Variants in SCFD2 observed in about 807,000 individuals in gnomAD.
The protein encoded by SCFD2 is sec1 family domain-containing protein 2.
A neutral mutation model predicts 58.9 loss-of-function variants in SCFD2; 54 were observed. The ratio of observed to expected loss-of-function variants is 0.92; its 90% CI spans 0.74 to 1.15. SCFD2 has a LOEUF of 1.15. Among genes scored for constraint, SCFD2 ranks in the 50% most tolerant of loss-of-function variants. The pLI, the probability that SCFD2 is intolerant of heterozygous loss-of-function variation, is 0.00. For missense variants in SCFD2, 805 were observed against 836.6 expected (o/e 0.96, Z 0.47); for synonymous variants, 321 against 335.9 (o/e 0.96, Z 0.49).
chr4:53,101,055 A>G (rs1193950469), intron 5 of SCFD2, among the ~76,000 whole-genome samples: 1 of 152,180 alleles, frequency 6.6e-6, no homozygotes, highest in Middle Eastern at 3.2e-3. Flanking sequence ...AAACACAAAG[A>G]TTACATGAAG....
intron 3 of SCFD2, among the ~76,000 whole-genome samples, chr4:53,305,828 C>A (rs1306742390): frequency 6.6e-6 from 1 of 152,054 alleles, no homozygotes; most frequent in Non-Finnish European, 1.5e-5. Context: ...GTTCTAAGAC[C>A]AAGAAGTTTG....
intron 5 of SCFD2, among the ~76,000 whole-genome samples, chr4:53,046,779 T>C (rs1723051889): frequency 6.6e-6 from 1 of 152,086 alleles, no homozygotes; most frequent in Non-Finnish European, 1.5e-5. Context: ...GCAATTCTCC[T>C]GCCTCAGCCT....
chr4:53,054,646 T>C lies in SCFD2; in HGVS notation c.1561+90687A>G, dbSNP rs1466495236. Among the ~76,000 whole-genome samples, 6 of 146,176 alleles carry C rather than the reference T, an allele frequency of 4.1e-5. No homozygotes were observed. The East Asian group carries it at 7.8e-4, about 19-fold the overall frequency. ...TTAGCTTAGAAAAAAAAAAAAGAGT[T>C]TTTTTTTTGTTTGTTTTTGTTTTTG... On this transcript the variant is annotated intron_variant, in intron 5 of 8. Transcript: ENST00000401642.
At chr4:53,219,714 T>C (rs1275936861) in intron 4 of SCFD2, among the ~76,000 whole-genome samples, 6 of 152,174 alleles carry the variant, frequency 3.9e-5, no homozygotes, top group Admixed American at 3.9e-4. Flanking sequence ...AAATCACCTG[T>C]CTTCTGTGTC....
At chr4:53,182,825 A>G (rs1727617586) in intron 4 of SCFD2, among the ~76,000 whole-genome samples, 1 of 152,116 alleles carries the variant, frequency 6.6e-6, no homozygotes, top group Non-Finnish European at 1.5e-5. Context: ...AAACAACCCC[A>G]TCAAAAAGTG....
chr4:53,116,031 G>A (rs957343052), intron 5 of SCFD2, among the ~76,000 whole-genome samples: 3 of 152,136 alleles, frequency 2.0e-5, no homozygotes, highest in Non-Finnish European at 4.4e-5. Context: ...GGATAAAGAT[G>A]TGACCTTGAC....
intron 3 of SCFD2, among the ~76,000 whole-genome samples, chr4:53,301,831 A>G (rs533499823): frequency 1.6e-4 from 25 of 152,330 alleles, no homozygotes; most frequent in African/African-American, 5.8e-4. Context: ...CAGCACATAA[A>G]CAGAACCAAA....
At chr4:53,003,975 G>A (rs1333079724) in intron 5 of SCFD2, among the ~76,000 whole-genome samples, 1 of 152,140 alleles carries the variant, frequency 6.6e-6, no homozygotes, top group African/African-American at 2.4e-5. Context: ...CCTTATTTTA[G>A]GAAATAAACA....
intron 4 of SCFD2, among the ~76,000 whole-genome samples, chr4:53,212,998 C>G (rs938662816): frequency 6.6e-6 from 1 of 151,818 alleles, no homozygotes; most frequent in Admixed American, 6.6e-5. Context: ...CCTGTATGTA[C>G]GAATAAGGCT....
At chr4:53,233,020 T>C (rs1214394856) in intron 4 of SCFD2, among the ~76,000 whole-genome samples, 1 of 152,162 alleles carries the variant, frequency 6.6e-6, no homozygotes, top group Non-Finnish European at 1.5e-5. Flanking sequence ...TCGGAATCCT[T>C]AAGTCAGAAA....
Position 52,910,782 on chromosome 4 carries a change from A to G in SCFD2, c.1708-3191T>C, listed in dbSNP as rs1243961162. Among the ~76,000 whole-genome samples the G allele has an allele frequency of 1.4e-4, 21 of 152,286 alleles. No individual in the cohort carries two copies. In the East Asian group the frequency reaches 3.9e-3, roughly 28 times the overall value. ...TTTAGTCATGGGGGCGGTTACACTCATGCTGTTCTCATGACAGTGGGAGAG... is the reference window on the plus strand; with the variant it reads ...TTTAGTCATGGGGGCGGTTACACTCGTGCTGTTCTCATGACAGTGGGAGAG... On this transcript the variant is annotated intron_variant, in intron 6 of 8. Coordinates refer to ENST00000401642, the MANE Select transcript of SCFD2 (RefSeq NM_152540.4).
chr4:52,883,281 C>T (rs925629914), intron 8 of SCFD2, among the ~76,000 whole-genome samples: 2 of 152,150 alleles, frequency 1.3e-5, no homozygotes, highest in African/African-American at 4.8e-5. Flanking sequence ...AAAGGGAGAC[C>T]CGCCACAGCA....
intron 3 of SCFD2, among the ~76,000 whole-genome samples, chr4:53,284,461 C>T (rs1372902372): frequency 6.6e-6 from 1 of 152,050 alleles, no homozygotes; most frequent in African/African-American, 2.4e-5. Context: ...TATATGTTGT[C>T]ATTTGAATTT....
At chr4:53,027,671 T>C (rs571002245) in intron 5 of SCFD2, among the ~76,000 whole-genome samples, 93 of 151,674 alleles carry the variant, frequency 6.1e-4, no homozygotes, top group Non-Finnish European at 1.2e-3. Context: ...TTACAAAAAA[T>C]ACAAAAATTT....
chr4:53,072,973 C>T (rs1483919808), intron 5 of SCFD2, among the ~76,000 whole-genome samples: 1 of 152,036 alleles, frequency 6.6e-6, no homozygotes, highest in Non-Finnish European at 1.5e-5. Flanking sequence ...TTTGATTAGA[C>T]TCAGTCTTCT....
chr4:52,934,816 T>C (rs1720094853), intron 5 of SCFD2, among the ~76,000 whole-genome samples: 1 of 152,246 alleles, frequency 6.6e-6, no homozygotes, highest in African/African-American at 2.4e-5. Context: ...AATAGGAGGA[T>C]ACAAATCAAT....
chr4:53,358,224 T>C (rs1243473667), intron 1 of SCFD2, among the ~76,000 whole-genome samples: 1 of 152,162 alleles, frequency 6.6e-6, no homozygotes, highest in Non-Finnish European at 1.5e-5. Context: ...TGAGAGTTAA[T>C]CTTTAATCAA....
intron 5 of SCFD2, among the ~76,000 whole-genome samples, chr4:53,035,396 A>C (rs1436890376): frequency 6.6e-6 from 1 of 152,186 alleles, no homozygotes; most frequent in South Asian, 2.1e-4. Flanking sequence ...GGGCAATACC[A>C]CTCAGGACAT....
chr4:53,056,932 C>T (rs1210159099), intron 5 of SCFD2, among the ~76,000 whole-genome samples: 1 of 152,042 alleles, frequency 6.6e-6, no homozygotes, highest in African/African-American at 2.4e-5. Flanking sequence ...GTCTGTAATC[C>T]CAGCACTTTG....
Sources: gnomAD v4.1 joint callset for allele counts (sites outside exome capture counted in the v4.1 genomes callset) on GRCh38, gnomAD v4.1.1 for gene constraint, MANE v1.5 for transcripts, NCBI Gene and HGNC (gene_info 2026-07-23, HGNC 2026-07-21) for gene names.